LYSMD3: variants seen among roughly 807,000 people sequenced by gnomAD.
LYSMD3 encodes the protein lysM and putative peptidoglycan-binding domain-containing protein 3.
A neutral mutation model predicts 26.1 loss-of-function variants in LYSMD3; 13 were observed. That is an observed-to-expected ratio of 0.50 (90% confidence interval 0.32 to 0.79). The LOEUF (loss-of-function observed/expected upper bound fraction) is 0.79. LYSMD3 is among the 30% of genes least tolerant of loss of function. The pLI is 0.03. For missense variants in LYSMD3, 331 were observed against 362.5 expected (o/e 0.91, Z 0.71); for synonymous variants, 109 against 119.4 (o/e 0.91, Z 0.57).
chr5:90,522,899 T>C (rs1358572690), intron 2 of LYSMD3, among the ~76,000 whole-genome samples: 1 of 152,222 alleles, frequency 6.6e-6, no homozygotes, highest in African/African-American at 2.4e-5. Flanking sequence ...TCATTGGAAA[T>C]ATGACCTATT....
At position 90,529,530 on chromosome 5, in the gene LYSMD3, G is replaced by A. The variant is rs1408144102; in HGVS notation, c.-94C>T. The A allele has an allele frequency of 4.4e-6, 2 of 456,504 alleles. No homozygotes were observed. The highest frequency in any genetic ancestry group is 2.3e-5 in the Admixed American group (1 of 42,558). 28.3% of individuals were successfully genotyped at this position (456,504 alleles called of 1,614,324 possible). On this transcript the variant is annotated 5_prime_UTR_variant, in exon 1 of 3. Coordinates refer to ENST00000315948, the MANE Select transcript of LYSMD3 (RefSeq NM_198273.2). ...CGCTGTCCCGGGTAAGTTCATGGCC[G>A]AGCCTCTGCTTTGGGCTGACCCCGT...
chr5:90,521,932 A>G (rs1753098782), intron 2 of LYSMD3, among the ~76,000 whole-genome samples: 1 of 152,130 alleles, frequency 6.6e-6, no homozygotes. Flanking sequence ...TTTTATAATG[A>G]TAAATATTTT....
At position 90,529,572 on chromosome 5, in the gene LYSMD3, C is replaced by T. The variant is rs1466746934; in HGVS notation, c.-136G>A. ...TGACCCCGTCCGCCTCCGCCTCTGC[C>T]GCCAACGTCTCCGCCTTCCGGGCCG... On this transcript the variant is annotated 5_prime_UTR_variant, in exon 1 of 3. Transcript: ENST00000315948. The T allele has an allele frequency of 4.4e-6, 2 of 456,136 alleles. No individual in the cohort carries two copies. The highest frequency in any genetic ancestry group is 2.0e-5 in the African/African-American group (1 of 50,070). 28.3% of individuals were successfully genotyped at this position (456,136 alleles called of 1,614,324 possible). A position where few individuals can be genotyped will look rare whatever the true frequency, so the allele number is the denominator to read the frequency against.
In LYSMD3 at chr5:90,518,970, G is replaced by A; in HGVS notation, c.770C>T (p.Ser257Leu). ...GGGTGTGATTTTTGAATGTAAATGT[G>A]AAGAGTCCACTGTTGAATGATGACT... is the stretch of plus-strand genomic sequence containing the variant. ...DVSHHSTVDS[S>L]HLHSKITPPS... Residue 257 changes from serine (S) to leucine (L), a missense_variant, in exon 3 of 3, where the codon TCA becomes TTA. Ser to Leu is a moderately radical substitution (Grantham distance 145, BLOSUM62 -2). Transcript: ENST00000315948. The A allele has an allele frequency of 6.2e-7, 1 of 1,613,966 alleles. No individual in the cohort carries two copies. Among genetic ancestry groups the A allele is most frequent in the Non-Finnish European group, 8.5e-7 (1 of 1,179,934 alleles).
intron 1 of LYSMD3, 77 bp from the exon 2 acceptor site, chr5:90,525,377 A>G: frequency 3.8e-6 from 5 of 1,315,456 alleles, no homozygotes; most frequent in Non-Finnish European, 5.2e-6. Context: ...TCGTACATTC[A>G]GGACACAATC....
At position 90,518,936 on chromosome 5, in the gene LYSMD3, CTG is replaced by C. The variant is rs778935062; in HGVS notation, c.802_803del (p.Gln268AlafsTer12). The C allele has an allele frequency of 6.2e-7, 1 of 1,614,022 alleles. No individual in the cohort carries two copies. Among genetic ancestry groups the C allele is most frequent in the Admixed American group, 1.7e-5 (1 of 59,992 alleles). ...CAATTCCATTTTCCATTTCTCTCTG[CTG>C]TGATGGGGGTGTGATTTTTGAATGT... ...HLHSKITPPS[Q>X]QREMENGIVP... On this transcript the variant is annotated frameshift_variant, in exon 3 of 3. Transcript: ENST00000315948. LOFTEE classifies it high-confidence loss of function.
chr5:90,520,894 G>A (rs1033688677), intron 2 of LYSMD3, among the ~76,000 whole-genome samples: 3 of 151,842 alleles, frequency 2.0e-5, no homozygotes, highest in Non-Finnish European at 4.4e-5. Context: ...ACTCCAGCCT[G>A]GGCAACAGAG....
Position 90,519,094 on chromosome 5 carries a change from T to C in LYSMD3, c.646A>G (p.Ile216Val), listed in dbSNP as rs1417593579. ...KDPYYGADWG[I>V]GWWTAVVIML... ...ATCACTACAGCTGTCCACCACCCTA[T>C]TCCCCAGTCTGCTCCATAATAGGGG... The change falls in exon 3 of 3, where the codon ATA (isoleucine) becomes GTA (valine). Residue 216 changes from isoleucine (I) to valine (V), a missense_variant. Ile to Val is a conservative substitution (Grantham distance 29). Transcript: ENST00000315948. 1.2e-6 allele frequency: 2 copies of C among 1,614,030 alleles called. No individual in the cohort carries two copies. Among genetic ancestry groups the C allele is most frequent in the African/African-American group, 1.3e-5 (1 of 74,944 alleles).
chr5:90,529,302 G>A (rs545717909), intron 1 of LYSMD3, 146 bp downstream of exon 1: 64 of 426,796 alleles, frequency 1.5e-4, no homozygotes, highest in African/African-American at 1.3e-3. Flanking sequence ...CCCTGTCTCG[G>A]GGGTGTCCGC....
In LYSMD3 at chr5:90,517,196, T is replaced by C. The variant is rs1483546942; in HGVS notation, c.*1623A>G. 6.6e-6 allele frequency: 1 copy of C among 152,448 alleles called. No homozygotes were observed. The highest frequency in any genetic ancestry group is 1.5e-5 in the Non-Finnish European group (1 of 67,912). The allele number at this position is 152,448 out of a possible 1,614,324, so 9.4% of individuals were successfully genotyped here. ...TTGGTAATTGTCTAAGGTCCTCTAATATTTGCAAGGGCTTTAATGTTTGAC... is the reference window on the plus strand; with the variant it reads ...TTGGTAATTGTCTAAGGTCCTCTAACATTTGCAAGGGCTTTAATGTTTGAC... On this transcript the variant is annotated 3_prime_UTR_variant, in exon 3 of 3. Coordinates refer to ENST00000315948, the MANE Select transcript of LYSMD3 (RefSeq NM_198273.2).
At position 90,529,584 on chromosome 5, in the gene LYSMD3, C is replaced by T. The variant is rs1753317484; in HGVS notation, c.-148G>A. On this transcript the variant is annotated 5_prime_UTR_variant, in exon 1 of 3. Coordinates refer to ENST00000315948, the MANE Select transcript of LYSMD3 (RefSeq NM_198273.2). ...CCTCCGCCTCTGCCGCCAACGTCTCCGCCTTCCGGGCCGTACGCCGCCGCC... is the reference window on the plus strand; with the variant it reads ...CCTCCGCCTCTGCCGCCAACGTCTCTGCCTTCCGGGCCGTACGCCGCCGCC... 4.4e-6 allele frequency: 2 copies of T among 455,690 alleles called. No individual in the cohort carries two copies. Among genetic ancestry groups the T allele is most frequent in the Admixed American group, 4.7e-5 (2 of 42,538 alleles). 28.2% of individuals were successfully genotyped at this position (455,690 alleles called of 1,614,324 possible).
rs1332123661 is a variant in LYSMD3, at chr5:90,517,074, C to T, written c.*1745G>A. Reference sequence around the variant, plus strand: ...TTAACACTAAGCATAAATTATATCACACTCTTCTTTTCAAGATGCCCAAGG... The same window carrying T: ...TTAACACTAAGCATAAATTATATCATACTCTTCTTTTCAAGATGCCCAAGG... On this transcript the variant is annotated 3_prime_UTR_variant, in exon 3 of 3. Coordinates refer to ENST00000315948, the MANE Select transcript of LYSMD3 (RefSeq NM_198273.2). 2.0e-5 allele frequency: 3 copies of T among 152,470 alleles called. No individual in the cohort carries two copies. Among genetic ancestry groups the T allele is most frequent in the Admixed American group, 6.6e-5 (1 of 15,260 alleles). 9.4% of individuals were successfully genotyped at this position (152,470 alleles called of 1,614,324 possible). A position where few individuals can be genotyped will look rare whatever the true frequency, so the allele number is the denominator to read the frequency against.
At chr5:90,522,141 C>T (rs1580232345) in intron 2 of LYSMD3, among the ~76,000 whole-genome samples, 1 of 152,210 alleles carries the variant, frequency 6.6e-6, no homozygotes, top group African/African-American at 2.4e-5. Context: ...TGATACTGTC[C>T]TGAGTTCTTG....
At chr5:90,521,165 C>T (rs1406800647) in intron 2 of LYSMD3, among the ~76,000 whole-genome samples, 1 of 151,998 alleles carries the variant, frequency 6.6e-6, no homozygotes, top group African/African-American at 2.4e-5. Flanking sequence ...TGACCTGGGG[C>T]AAGTTGTTTA....
rs1196724531 is a variant in LYSMD3, at chr5:90,525,099, A to T, written c.191T>A (p.Val64Glu). ...TSRDRLDDIIVLTKDIQEGDT... is the reference protein window; with the variant it reads ...TSRDRLDDIIELTKDIQEGDT... ...TCCTTCTTGTATATCTTTTGTTAAT[A>T]CTATAATGTCGTCAAGTCTATCTCT... Residue 64 changes from valine (V) to glutamate (E), a missense_variant, in exon 2 of 3, where the codon GTA (valine) becomes GAA (glutamate). Around this residue, in one of 3 missense-constraint regions of LYSMD3, gnomAD observed 262 missense variants for 267.3 expected, o/e 0.98. Coordinates refer to ENST00000315948, the MANE Select transcript of LYSMD3 (RefSeq NM_198273.2). 1 of 1,613,426 alleles carries T rather than the reference A, an allele frequency of 6.2e-7. No individual in the cohort carries two copies. Among genetic ancestry groups the T allele is most frequent in the Non-Finnish European group, 8.5e-7 (1 of 1,179,538 alleles).
In LYSMD3 at chr5:90,518,792, C is replaced by CTG; in HGVS notation, c.*26_*27insCA. 2 of 1,588,918 alleles carry CTG rather than the reference C, an allele frequency of 1.3e-6. No homozygotes were observed. Among genetic ancestry groups the CTG allele is most frequent in the Non-Finnish European group, 8.6e-7 (1 of 1,165,514 alleles). On this transcript the variant is annotated 3_prime_UTR_variant, in exon 3 of 3. Transcript: ENST00000315948. ...ACCACATTCCAGATGCACATGTGAC[C>CTG]ACTAACATTTGATTATGAGCTAATT...
Position 90,525,526 on chromosome 5 carries a change from T to G in LYSMD3, c.-11-226A>C, listed in dbSNP as rs553651580. ...GTGCAGTAGTGCGATCTCAGCTCAC[T>G]GCAACCTTTGCCTCCCAGGTTTAAG... On this transcript the variant is annotated intron_variant, in intron 1 of 2. Coordinates refer to ENST00000315948, the MANE Select transcript of LYSMD3 (RefSeq NM_198273.2). 2.0e-5 allele frequency among the ~76,000 whole-genome samples: 3 copies of G among 152,358 alleles called. No individual in the cohort carries two copies. The South Asian group carries it at 6.2e-4, about 32-fold the overall frequency.
At position 90,525,670 on chromosome 5, in the gene LYSMD3, G is replaced by A. The variant is rs543536448; in HGVS notation, c.-11-370C>T. On this transcript the variant is annotated intron_variant, in intron 1 of 2. Coordinates refer to ENST00000315948, the MANE Select transcript of LYSMD3 (RefSeq NM_198273.2). ...TCACCATGTTGGCCAGGCTGGTCTC[G>A]AACTCTTGACCTCAGGTGATCTGCC... is the stretch of plus-strand genomic sequence containing the variant. Among the ~76,000 whole-genome samples the A allele has an allele frequency of 3.3e-5, 5 of 152,142 alleles. No homozygotes were observed. The East Asian group carries it at 7.7e-4, about 24-fold the overall frequency.
chr5:90,527,411 A>ATTTTTTTTT (rs71614754), intron 1 of LYSMD3, among the ~76,000 whole-genome samples: 1 of 140,682 alleles, frequency 7.1e-6, no homozygotes, highest in Non-Finnish European at 1.5e-5. Flanking sequence ...TATTAATGGT[A>ATTTTTTTTT]TTTTTTTTTT....
Sources: gnomAD v4.1 joint callset for allele counts (sites outside exome capture counted in the v4.1 genomes callset) on GRCh38, gnomAD v4.1.1 for gene constraint, gnomAD v4.1.1 regional missense constraint, MANE v1.5 for transcripts, NCBI Gene and HGNC (gene_info 2026-07-23, HGNC 2026-07-21) for gene names.